IGFN1: variants seen among roughly 807,000 people sequenced by gnomAD.
IGFN1 encodes immunoglobulin-like and fibronectin type III domain-containing protein 1.
In IGFN1, 253 loss-of-function variants were observed where a neutral mutation model predicts 289.5. The observed-to-expected ratio is 0.87, with a 90% CI of 0.79 to 0.97. The LOEUF is 0.97. Ranked by LOEUF, IGFN1 falls within the 50% of genes least tolerant of loss-of-function variation. The probability of loss-of-function intolerance (pLI) is 0.00; values close to 1 mark genes in which losing one functional copy is unlikely to be tolerated. For missense variants in IGFN1, 4,470 were observed against 4,686.1 expected (o/e 0.95, Z 1.35); for synonymous variants, 1,706 against 1,788.5 (o/e 0.95, Z 1.16).
chr1:201,227,540 G>C (rs989965979), intron 23 of IGFN1, among the ~76,000 whole-genome samples: 1 of 151,664 alleles, frequency 6.6e-6, no homozygotes, highest in African/African-American at 2.4e-5. Context: ...AGATTCTCCT[G>C]CCTCAGCCTC....
In IGFN1 at chr1:201,199,388, T is replaced by C. The variant is rs1290095671; in HGVS notation, c.412+10T>C. ...AGGGAACCGCAGGAAGGTAGGCAGA[T>C]TTGTCAGAAACCTCCTTGGGGGCCT... On this transcript the variant is annotated intron_variant, in intron 6 of 23. Coordinates refer to ENST00000335211, the MANE Select transcript of IGFN1 (RefSeq NM_001164586.2). The C allele has an allele frequency of 6.4e-7, 1 of 1,551,650 alleles. No homozygotes were observed.
chr1:201,227,037 T>C lies in IGFN1; in HGVS notation c.10942T>C (p.Phe3648Leu), dbSNP rs894512548. Residue 3648 changes from phenylalanine to leucine, a missense_variant, in exon 23 of 24, where the codon TTC becomes CTC. Coordinates refer to ENST00000335211, the MANE Select transcript of IGFN1 (RefSeq NM_001164586.2). ...CTCGCCCCGGCCCCACGTCACCTGG[T>C]TCAAGAATGACCGCAGCCTGGAAGG... ...QGSPRPHVTW[F>L]KNDRSLEGNP... The C allele has an allele frequency of 1.9e-6, 3 of 1,613,428 alleles. No individual in the cohort carries two copies. The highest frequency in any genetic ancestry group is 2.7e-5 in the African/African-American group (2 of 74,918).
At chr1:201,204,811 A>T (rs940986540) in intron 10 of IGFN1, among the ~76,000 whole-genome samples, 7 of 152,230 alleles carry the variant, frequency 4.6e-5, no homozygotes, top group Non-Finnish European at 1.0e-4. Flanking sequence ...GGTTTCCTTC[A>T]TGCATCCACC....
Position 201,212,565 on chromosome 1 carries a change from C to T in IGFN1, c.7672C>T (p.Pro2558Ser). 6.5e-7 allele frequency: 1 copy of T among 1,549,582 alleles called. No individual in the cohort carries two copies. Among genetic ancestry groups the T allele is most frequent in the Non-Finnish European group, 8.7e-7 (1 of 1,146,598 alleles). The part of the protein sequence containing the change: ...GYERDIWKAG[P>S]GMTDRGRVAG... ...TGAACGGGACATCTGGAAAGCAGGC[C>T]CAGGAATGACAGACAGGGGTAGAGT... The change falls in exon 12 of 24, where the codon CCA (proline) becomes TCA (serine). Residue 2558 changes from proline to serine, a missense_variant. Physicochemically the swap from Pro to Ser is moderately conservative, Grantham distance 74. This residue lies in a region of IGFN1 where 2,218 missense variants were observed against 2,114.1 expected (regional missense o/e 1.05). Coordinates refer to ENST00000335211, the MANE Select transcript of IGFN1 (RefSeq NM_001164586.2).
At chr1:201,191,789 G>A (rs1666668113) in intron 1 of IGFN1, among the ~76,000 whole-genome samples, 1 of 152,194 alleles carries the variant, frequency 6.6e-6, no homozygotes, top group Admixed American at 6.5e-5. Flanking sequence ...GCTGGAGGGA[G>A]AAGAGTGGTA....
Position 201,207,453 on chromosome 1 carries a change from C to A in IGFN1, c.2560C>A (p.His854Asn). 1 of 1,528,694 alleles carries A rather than the reference C, an allele frequency of 6.5e-7. No individual in the cohort carries two copies. The highest frequency in any genetic ancestry group is 8.8e-7 in the Non-Finnish European group (1 of 1,142,740). 94.7% of individuals were successfully genotyped at this position (1,528,694 alleles called of 1,614,324 possible). Reference protein sequence around the residue: ...PSSLRKTGAHHGPGVLGPSGG... With the variant: ...PSSLRKTGAHNGPGVLGPSGG... ...TAGCCTCAGAAAAACTGGGGCCCAC[C>A]ATGGGCCTGGAGTGCTGGGGCCCAG... Residue 854 changes from histidine (H) to asparagine (N), a missense_variant, in exon 12 of 24, where the codon CAT becomes AAT. Around this residue, in one of 8 missense-constraint regions of IGFN1, gnomAD observed 2,011 missense variants for 1,953.4 expected, o/e 1.03. Coordinates refer to ENST00000335211, the MANE Select transcript of IGFN1 (RefSeq NM_001164586.2).
chr1:201,194,496 C>A (rs1378762382), intron 3 of IGFN1, among the ~76,000 whole-genome samples: 2 of 152,134 alleles, frequency 1.3e-5, no homozygotes, highest in African/African-American at 4.8e-5. Flanking sequence ...TGAAGAGACA[C>A]CATGCTATTC....
At position 201,207,287 on chromosome 1, in the gene IGFN1, A is replaced by G. The variant is rs1667472456; in HGVS notation, c.2394A>G (p.Glu798=). ...LQELRGRDGQ[E]TAWASGEVEY... Reference sequence around the variant, plus strand: ...AGCTCAGGGGAAGGGATGGCCAGGAAACAGCTTGGGCCTCGGGTGAGGTAG... The same window carrying G: ...AGCTCAGGGGAAGGGATGGCCAGGAGACAGCTTGGGCCTCGGGTGAGGTAG... Residue 798 remains glutamate, a synonymous_variant, in exon 12 of 24, where the codon GAA becomes GAG. Transcript: ENST00000335211. 1 of 1,536,680 alleles carries G rather than the reference A, an allele frequency of 6.5e-7. No homozygotes were observed. Among genetic ancestry groups the G allele is most frequent in the Non-Finnish European group, 8.7e-7 (1 of 1,146,888 alleles).
chr1:201,218,483 T>C (rs910802752), intron 17 of IGFN1, 47 bp from the exon 18 acceptor site: 1 of 1,583,950 alleles, frequency 6.3e-7, no homozygotes. Flanking sequence ...TATCTCCCCA[T>C]GTCCAGCACC....
chr1:201,226,516 A>G (rs1431025345), intron 22 of IGFN1, among the ~76,000 whole-genome samples: 1 of 152,216 alleles, frequency 6.6e-6, no homozygotes, highest in African/African-American at 2.4e-5. Context: ...AGGCTATAAA[A>G]TCAAATCAAG....
At chr1:201,226,205 G>A (rs1029908179) in intron 22 of IGFN1, 82 bp downstream of exon 22, 26 of 1,405,054 alleles carry the variant, frequency 1.9e-5, no homozygotes, top group Non-Finnish European at 2.3e-5. Context: ...AGCATGGCAA[G>A]CGCGCAGGAT....
Position 201,197,257 on chromosome 1 carries a change from T to G in IGFN1, c.307T>G (p.Cys103Gly). Reference sequence around the variant, plus strand: ...AGGCGAGGACACGGATCTGTACCGCTGCACAGCAGTAAATGCGTACGGAGA... The same window carrying G: ...AGGCGAGGACACGGATCTGTACCGCGGCACAGCAGTAAATGCGTACGGAGA... Reference protein sequence around the residue: ...LTGEDTDLYRCTAVNAYGEAA... With the variant: ...LTGEDTDLYRGTAVNAYGEAA... Residue 103 changes from cysteine (C) to glycine (G), a missense_variant, in exon 5 of 24, where the codon TGC becomes GGC. This residue lies in a region of IGFN1 where 2,011 missense variants were observed against 1,953.4 expected (regional missense o/e 1.03). Transcript: ENST00000335211. The G allele has an allele frequency of 1.9e-6, 3 of 1,551,612 alleles. No homozygotes were observed. In the South Asian group the frequency reaches 3.6e-5, roughly 18 times the overall value.
chr1:201,207,938 G>C lies in IGFN1; in HGVS notation c.3045G>C (p.Ala1015=), dbSNP rs557096408. 6.5e-7 allele frequency: 1 copy of C among 1,536,814 alleles called. No homozygotes were observed. Among genetic ancestry groups the C allele is most frequent in the Admixed American group, 2.0e-5 (1 of 50,986 alleles). ...GTGGGTACAGGCATGGCTCCGGAGC[G>C]CCTGGGGGAGTGTGGTCTGGAAATG... ...EGGGYRHGSG[A]PGGVWSGNED... Residue 1015 remains alanine, a synonymous_variant, in exon 12 of 24, where the codon GCG becomes GCC. Coordinates refer to ENST00000335211, the MANE Select transcript of IGFN1 (RefSeq NM_001164586.2).
In IGFN1 at chr1:201,217,426, C is replaced by T; in HGVS notation, c.9735C>T (p.Asn3245=). 1 of 1,614,202 alleles carries T rather than the reference C, an allele frequency of 6.2e-7. No homozygotes were observed. Among genetic ancestry groups the T allele is most frequent in the Admixed American group, 1.7e-5 (1 of 60,028 alleles). ...YLIERRKKGS[N]TWTAVNDQPV... ...TCGAGAGGCGTAAGAAGGGGAGCAA[C>T]ACCTGGACGGCAGTGAACGACCAGC... is the stretch of plus-strand genomic sequence containing the variant. The change falls in exon 17 of 24, where the codon AAC becomes AAT. Residue 3245 remains asparagine, a synonymous_variant. Transcript: ENST00000335211.
At chr1:201,193,043 T>A (rs1666725146) in intron 1 of IGFN1, among the ~76,000 whole-genome samples, 1 of 152,088 alleles carries the variant, frequency 6.6e-6, no homozygotes, top group African/African-American at 2.4e-5. Context: ...TGCTACCCAC[T>A]CCCTGGTCTC....
chr1:201,211,918 G>A lies in IGFN1; in HGVS notation c.7025G>A (p.Gly2342Glu), dbSNP rs1345846377. ...TCAGGGAGTGAGGTCAGTTATAGAG[G>A]AGGCTCAGGAGGATCTGGGGAAACG... ...MGSGSEVSYR[G>E]GSGGSGETGP... Residue 2342 changes from glycine to glutamate, a missense_variant, in exon 12 of 24, where the codon GGA (glycine) becomes GAA (glutamate). Transcript: ENST00000335211. 15 of 1,526,648 alleles carry A rather than the reference G, an allele frequency of 9.8e-6. No homozygotes were observed. Among genetic ancestry groups the A allele is most frequent in the Non-Finnish European group, 1.3e-5 (15 of 1,141,570 alleles). The allele number at this position is 1,526,648 out of a possible 1,614,324, so 94.6% of individuals were successfully genotyped here. A position where few individuals can be genotyped will look rare whatever the true frequency, so the allele number is the denominator to read the frequency against.
At position 201,212,263 on chromosome 1, in the gene IGFN1, T is replaced by G. The variant is rs868208890; in HGVS notation, c.7370T>G (p.Leu2457Arg). The G allele has an allele frequency of 3.9e-6, 6 of 1,535,954 alleles. No homozygotes were observed. Among genetic ancestry groups the G allele is most frequent in the Non-Finnish European group, 8.7e-7 (1 of 1,146,538 alleles). Residue 2457 changes from leucine to arginine, a missense_variant, in exon 12 of 24, where the codon CTT becomes CGT. Coordinates refer to ENST00000335211, the MANE Select transcript of IGFN1 (RefSeq NM_001164586.2). ...GGGTCTCAGGGAGGGCGACAGACTC[T>G]TTCAGATGAGCGAGGCTCCACCAAA... ...VLGSQGGRQT[L>R]SDERGSTKDL...
chr1:201,198,947 A>G (rs949341293), intron 5 of IGFN1, among the ~76,000 whole-genome samples: 1 of 152,226 alleles, frequency 6.6e-6, no homozygotes, highest in African/African-American at 2.4e-5. Context: ...TATTGGGCCT[A>G]TACCCTGAAA....
rs995725617 is a variant in IGFN1 at position 201,221,791 on chromosome 1, T to G, written c.10201+45T>G. 12 of 1,505,004 alleles carry G rather than the reference T, an allele frequency of 8.0e-6. No individual in the cohort carries two copies. In the African/African-American group the frequency reaches 1.4e-4, roughly 18 times the overall value. 93.2% of individuals were successfully genotyped at this position (1,505,004 alleles called of 1,614,324 possible). A position where few individuals can be genotyped will look rare whatever the true frequency, so the allele number is the denominator to read the frequency against. ...CCGACCCCTGAGCCCTGCAGGCCTCTCCTAAGAGGGGGCCCCTGAGTAGCC... is the reference window on the plus strand; with the variant it reads ...CCGACCCCTGAGCCCTGCAGGCCTCGCCTAAGAGGGGGCCCCTGAGTAGCC... On this transcript the variant is annotated intron_variant, in intron 19 of 23. Transcript: ENST00000335211.
Sources: allele counts gnomAD v4.1 joint callset (sites outside exome capture counted in the v4.1 genomes callset), GRCh38; gene constraint gnomAD v4.1.1; regional missense constraint gnomAD v4.1.1; transcripts MANE v1.5; gene names NCBI Gene and HGNC (gene_info 2026-07-23, HGNC 2026-07-21).